The following SFPQ variants were observed in gnomAD, a reference collection of about 807,000 sequenced individuals.
The protein encoded by SFPQ is splicing factor, proline- and glutamine-rich.
Under a neutral mutation model 72.9 loss-of-function variants are expected in SFPQ, and 11 were observed. The observed-to-expected ratio is 0.15, with a 90% CI of 0.09 to 0.25. SFPQ has a LOEUF of 0.25. Ranked by LOEUF, SFPQ falls within the 10% of genes least tolerant of loss-of-function variation. The pLI, the probability that SFPQ is intolerant of heterozygous loss-of-function variation, is 1.00. For missense variants in SFPQ, 847 were observed against 993.3 expected (o/e 0.85, Z 1.98); for synonymous variants, 506 against 367.3 (o/e 1.38, Z -4.32).
At chr1:35,178,283 T>A, downstream of SFPQ, 1 of 1,099,134 alleles carries the variant, frequency 9.1e-7, no homozygotes, top group Non-Finnish European at 1.1e-6. Flanking sequence ...AAAGCCTGAC[T>A]CTCAGTTTCA....
intron 8 of SFPQ, 31 bp downstream of exon 8, chr1:35,187,172 C>T: frequency 6.2e-7 from 1 of 1,614,030 alleles, no homozygotes; most frequent in Non-Finnish European, 8.5e-7. Context: ...CTACTCTCTA[C>T]TTATATCATT....
rs749351606 is a variant in SFPQ, at chr1:35,183,224, CCTT to C, written c.*1229_*1231del. On this transcript the variant is annotated 3_prime_UTR_variant, in exon 10 of 10. Coordinates refer to ENST00000357214, the MANE Select transcript of SFPQ (RefSeq NM_005066.3). ...TAACTAAACCTACTTCAGTACTAAA[CCTT>C]TTTTTTTTTTTGAGACAGAGTCTCG... 448 of 985,830 alleles carry C rather than the reference CCTT, an allele frequency of 4.5e-4. 1 individual carries two copies. The East Asian group carries it at 0.013, about 30-fold the overall frequency. The allele number at this position is 985,830 out of a possible 1,614,324, so 61.1% of individuals were successfully genotyped here. A position where few individuals can be genotyped will look rare whatever the true frequency, so the allele number is the denominator to read the frequency against.
In SFPQ at chr1:35,190,668, T is replaced by A. The variant is rs199587514; in HGVS notation, c.1319+26A>T. 3.1e-4 allele frequency: 495 copies of A among 1,610,578 alleles called. 8 individuals are homozygous for A. The South Asian group carries it at 4.9e-3, about 16-fold the overall frequency. On this transcript the variant is annotated intron_variant, in intron 3 of 9. Transcript: ENST00000357214. ...CCATTCTCATATAAGTTGATAGAAA[T>A]TATTAGAATAAACAAGACAACTTAC...
chr1:35,190,836 G>C lies in SFPQ; in HGVS notation c.1177C>G (p.Gln393Glu). The stretch of plus-strand genomic sequence containing the variant: ...ACAGCCCTTTCAATAGGACCAAATT[G>C]GCTAAAGGCTTCTTCCAACAGTTCA... ...SNELLEEAFS[Q>E]FGPIERAVVI... The change falls in exon 3 of 10, where the codon CAA becomes GAA. Residue 393 changes from glutamine (Q) to glutamate (E), a missense_variant. Transcript: ENST00000357214. The C allele has an allele frequency of 6.2e-7, 1 of 1,614,090 alleles. No homozygotes were observed. The highest frequency in any genetic ancestry group is 8.5e-7 in the Non-Finnish European group (1 of 1,180,028).
At chr1:35,186,664 A>G (rs1012189872) in intron 9 of SFPQ, among the ~76,000 whole-genome samples, 1 of 152,208 alleles carries the variant, frequency 6.6e-6, no homozygotes, top group Non-Finnish European at 1.5e-5. Flanking sequence ...ACTTGGATGT[A>G]GAATAATCAG....
chr1:35,192,226 G>A lies in SFPQ; in HGVS notation c.824C>T (p.Ser275Leu). ...GTCGCTCCCATAGACACTCACCTCC[G>A]AGTCCGAGATCTTCTCCTCGCTGCG... ...GGRSEEKISD[S>L]EGFKANLSLL... is the part of the protein sequence containing the mutation. Residue 275 changes from serine to leucine, a missense_variant, in exon 1 of 10, where the codon TCG becomes TTG. Ser to Leu is a moderately radical substitution (Grantham distance 145). This residue lies in a region of SFPQ where 498 missense variants were observed against 405.1 expected (regional missense o/e 1.23). Transcript: ENST00000357214. The A allele has an allele frequency of 2.1e-6, 3 of 1,457,256 alleles. No individual in the cohort carries two copies. Among genetic ancestry groups the A allele is most frequent in the Non-Finnish European group, 2.7e-6 (3 of 1,112,370 alleles). 90.3% of individuals were successfully genotyped at this position (1,457,256 alleles called of 1,614,324 possible). A position where few individuals can be genotyped will look rare whatever the true frequency, so the allele number is the denominator to read the frequency against.
At chr1:35,191,662 G>A (rs941448168) in intron 1 of SFPQ, 133 bp from the exon 2 acceptor site, 10 of 659,646 alleles carry the variant, frequency 1.5e-5, no homozygotes, top group Middle Eastern at 3.4e-4. Context: ...GTTTTACTAT[G>A]TGAGATTTCT....
chr1:35,178,220 A>T (rs1639326815), downstream of SFPQ: 1 of 1,103,414 alleles, frequency 9.1e-7, no homozygotes, highest in African/African-American at 1.6e-5. Flanking sequence ...ATTCTTACAT[A>T]AAATAAGTAG....
intron 5 of SFPQ, among the ~76,000 whole-genome samples, chr1:35,177,050 T>C (rs766958058): frequency 6.6e-5 from 10 of 151,466 alleles, no homozygotes; most frequent in Non-Finnish European, 1.2e-4. Flanking sequence ...ACCCTGTCTC[T>C]ACTAAAAATA....
chr1:35,180,126 T>C (rs1453132840), downstream of SFPQ: 1 of 1,048,840 alleles, frequency 9.5e-7, no homozygotes, highest in Non-Finnish European at 1.2e-6. Context: ...AGAAGAAAAG[T>C]CTCATAGTCA....
chr1:35,190,662 T>C (rs1639953937), intron 3 of SFPQ, 32 bp downstream of exon 3: 4 of 1,609,490 alleles, frequency 2.5e-6, no homozygotes, highest in Non-Finnish European at 3.4e-6. Flanking sequence ...TATAAGTTGA[T>C]AGAAATTATT....
chr1:35,183,762 A>G lies in SFPQ; in HGVS notation c.*694T>C, dbSNP rs1570115616. On this transcript the variant is annotated 3_prime_UTR_variant, in exon 10 of 10. Transcript: ENST00000357214. ...GTAAAGGATAGATCATAGGGCCATAAAAGATCCATTTAATCAAACCCACTT... is the reference window on the plus strand; with the variant it reads ...GTAAAGGATAGATCATAGGGCCATAGAAGATCCATTTAATCAAACCCACTT... 8.5e-6 allele frequency: 9 copies of G among 1,052,732 alleles called. No homozygotes were observed. The highest frequency in any genetic ancestry group is 1.0e-5 in the Non-Finnish European group (9 of 871,014). The allele number at this position is 1,052,732 out of a possible 1,614,324, so 65.2% of individuals were successfully genotyped here. A position where few individuals can be genotyped will look rare whatever the true frequency, so the allele number is the denominator to read the frequency against.
intron 9 of SFPQ, among the ~76,000 whole-genome samples, chr1:35,185,156 C>T (rs1639644896): frequency 6.6e-6 from 1 of 152,118 alleles, no homozygotes; most frequent in African/African-American, 2.4e-5. Context: ...TGCTACCAGA[C>T]TACAAAAAGA....
In SFPQ at chr1:35,190,678, A is replaced by T; in HGVS notation, c.1319+16T>A. 1 of 1,612,236 alleles carries T rather than the reference A, an allele frequency of 6.2e-7. No individual in the cohort carries two copies. Among genetic ancestry groups the T allele is most frequent in the Non-Finnish European group, 8.5e-7 (1 of 1,178,944 alleles). ...ATAAGTTGATAGAAATTATTAGAAT[A>T]AACAAGACAACTTACGTCGTCAGTA... On this transcript the variant is annotated intron_variant, in intron 3 of 9. Transcript: ENST00000357214.
Position 35,184,404 on chromosome 1 carries a change from G to T in SFPQ, c.*52C>A. 1 of 1,588,664 alleles carries T rather than the reference G, an allele frequency of 6.3e-7. No individual in the cohort carries two copies. The highest frequency in any genetic ancestry group is 1.9e-5 in the Admixed American group (1 of 52,136). On this transcript the variant is annotated 3_prime_UTR_variant, in exon 10 of 10. Coordinates refer to ENST00000357214, the MANE Select transcript of SFPQ (RefSeq NM_005066.3). ...TAAAATGCAAGAATTTAAAAGATTG[G>T]TATCTAAACAAAAAAACAAAACAAA...
chr1:35,179,809 G>GT (rs1382170114), downstream of SFPQ: 4 of 1,053,998 alleles, frequency 3.8e-6, no homozygotes, highest in Non-Finnish European at 2.3e-6. Context: ...ATAGACCTGA[G>GT]TTTTTATTTC....
rs571340612 is a variant in SFPQ, at chr1:35,183,903, T to A, written c.*553A>T. On this transcript the variant is annotated 3_prime_UTR_variant, in exon 10 of 10. Transcript: ENST00000357214. ...AAAAAATACTTAGCACCAGCGTGCT[T>A]CCTATATGCCAAACAAATCATCAAA... 2.4e-5 allele frequency: 25 copies of A among 1,051,828 alleles called. No homozygotes were observed. The East Asian group carries it at 1.2e-3, about 50-fold the overall frequency. The allele number at this position is 1,051,828 out of a possible 1,614,324, so 65.2% of individuals were successfully genotyped here.
rs776963224 is a variant in SFPQ at position 35,183,225 on chromosome 1, CTT to C, written c.*1229_*1230del. ...AACTAAACCTACTTCAGTACTAAACCTTTTTTTTTTTTTGAGACAGAGTCTCG... is the reference window on the plus strand; with the variant it reads ...AACTAAACCTACTTCAGTACTAAACCTTTTTTTTTTTGAGACAGAGTCTCG... On this transcript the variant is annotated 3_prime_UTR_variant, in exon 10 of 10. Coordinates refer to ENST00000357214, the MANE Select transcript of SFPQ (RefSeq NM_005066.3). The C allele has an allele frequency of 2.6e-3, 1,928 of 745,144 alleles. 1 individual carries two copies. Among genetic ancestry groups the C allele is most frequent in the Non-Finnish European group, 2.6e-3 (1,685 of 651,146 alleles). The allele number at this position is 745,144 out of a possible 1,614,324, so 46.2% of individuals were successfully genotyped here.
At chr1:35,181,656 CAA>C, downstream of SFPQ, 1 of 1,060,278 alleles carries the variant, frequency 9.4e-7, no homozygotes, top group Non-Finnish European at 1.1e-6. Context: ...CCTCTTAAAA[CAA>C]AATTATGAGA....
Sources: gnomAD v4.1 joint callset for allele counts (sites outside exome capture counted in the v4.1 genomes callset) on GRCh38, gnomAD v4.1.1 for gene constraint, gnomAD v4.1.1 regional missense constraint, MANE v1.5 for transcripts, NCBI Gene and HGNC (gene_info 2026-07-23, HGNC 2026-07-21) for gene names.